The following MSI2 variants were observed in gnomAD, a reference collection of about 807,000 sequenced individuals.
MSI2 encodes the protein RNA-binding protein Musashi homolog 2.
A neutral mutation model predicts 45.6 loss-of-function variants in MSI2; 17 were observed. The observed-to-expected ratio is 0.37, with a 90% CI of 0.26 to 0.56. The LOEUF is 0.56. Among genes scored for constraint, MSI2 ranks in the 20% least tolerant of loss-of-function variants. The pLI is 0.77. For missense variants in MSI2, 293 were observed against 444.2 expected (o/e 0.66, Z 3.06); for synonymous variants, 156 against 158.2 (o/e 0.99, Z 0.11).
At chr17:57,471,219 C>T (rs912129423) in intron 6 of MSI2, among the ~76,000 whole-genome samples, 4 of 151,324 alleles carry the variant, frequency 2.6e-5, no homozygotes, top group Admixed American at 2.0e-4. Flanking sequence ...CAAGGTTTCT[C>T]GAATCAAGCT....
At chr17:57,417,255 A>G (rs1313090079) in intron 6 of MSI2, among the ~76,000 whole-genome samples, 1 of 152,140 alleles carries the variant, frequency 6.6e-6, no homozygotes. Context: ...CAGTGTTGCC[A>G]TGGTAGGTGG....
At position 57,484,840 on chromosome 17, in the gene MSI2, C is replaced by T. The variant is rs538812243; in HGVS notation, c.406-44836C>T. ...TGCCACCATTTCCACCCCATCAGAACTCTTACCTGTGCTCGAAGACCCAAT... is the reference window on the plus strand; with the variant it reads ...TGCCACCATTTCCACCCCATCAGAATTCTTACCTGTGCTCGAAGACCCAAT... On this transcript the variant is annotated intron_variant, in intron 6 of 13. Transcript: ENST00000284073. 6.4e-4 allele frequency among the ~76,000 whole-genome samples: 98 copies of T among 152,276 alleles called. 1 individual carries two copies. Among genetic ancestry groups the T allele is most frequent in the African/African-American group, 2.3e-3 (96 of 41,542 alleles).
At chr17:57,520,740 G>A (rs1425329083) in intron 6 of MSI2, among the ~76,000 whole-genome samples, 1 of 152,054 alleles carries the variant, frequency 6.6e-6, no homozygotes, top group Non-Finnish European at 1.5e-5. Context: ...TGCAGCCTCC[G>A]CCTCCTGGGT....
At chr17:57,631,949 C>A in intron 10 of MSI2, 2 of 1,487,350 alleles carry the variant, frequency 1.3e-6, no homozygotes, top group South Asian at 2.7e-5. Context: ...GTCTTAGCTG[C>A]CTGTTTGAAT....
intron 5 of MSI2, among the ~76,000 whole-genome samples, chr17:57,326,852 A>G (rs146173164): frequency 7.2e-5 from 11 of 152,304 alleles, no homozygotes; most frequent in African/African-American, 2.6e-4. Context: ...TAAACCACGG[A>G]CTAGTAGCAA....
At chr17:57,604,385 T>C (rs1216524122) in intron 8 of MSI2, among the ~76,000 whole-genome samples, 1 of 152,106 alleles carries the variant, frequency 6.6e-6, no homozygotes, top group Non-Finnish European at 1.5e-5. Context: ...CCTCAGCAGA[T>C]TATAAGTCAG....
chr17:57,536,393 A>G (rs188065772), intron 7 of MSI2, among the ~76,000 whole-genome samples: 2 of 152,338 alleles, frequency 1.3e-5, no homozygotes, highest in East Asian at 3.9e-4. Flanking sequence ...AGAAAGTATG[A>G]TAAGGATGTG....
chr17:57,631,579 T>G, intron 10 of MSI2: 2 of 550,818 alleles, frequency 3.6e-6, no homozygotes, highest in Non-Finnish European at 6.4e-6. Flanking sequence ...GTAGTTCTTT[T>G]CTAGAAAGGC....
chr17:57,376,922 CTT>C (rs1209135893), intron 5 of MSI2, among the ~76,000 whole-genome samples: 16 of 123,940 alleles, frequency 1.3e-4, no homozygotes, highest in Non-Finnish European at 1.6e-4. Context: ...CTGCAAGTGC[CTT>C]TTTTTTTTTT....
chr17:57,260,635 C>G (rs1048321730), intron 4 of MSI2, among the ~76,000 whole-genome samples: 1 of 152,150 alleles, frequency 6.6e-6, no homozygotes, highest in Non-Finnish European at 1.5e-5. Context: ...CCTGTAGATG[C>G]AGTAATGTTA....
At chr17:57,284,778 G>T (rs556484713) in intron 5 of MSI2, among the ~76,000 whole-genome samples, 4 of 152,156 alleles carry the variant, frequency 2.6e-5, no homozygotes, top group Non-Finnish European at 5.9e-5. Context: ...GCCCCCATTG[G>T]GGGAGGGCTT....
intron 5 of MSI2, among the ~76,000 whole-genome samples, chr17:57,353,967 CAA>C (rs1014342685): frequency 3.3e-5 from 5 of 152,134 alleles, no homozygotes; most frequent in East Asian, 1.9e-4. Context: ...TTTAACATAA[CAA>C]GAGAGAAAAC....
At chr17:57,410,962 C>A (rs930344048) in intron 6 of MSI2, among the ~76,000 whole-genome samples, 10 of 152,112 alleles carry the variant, frequency 6.6e-5, no homozygotes, top group African/African-American at 2.4e-4. Context: ...CTTGCAGATT[C>A]TCTGATAGGG....
At chr17:57,639,528 C>T (rs560906196) in intron 10 of MSI2, among the ~76,000 whole-genome samples, 4 of 152,362 alleles carry the variant, frequency 2.6e-5, no homozygotes, top group Non-Finnish European at 4.4e-5. Context: ...GGCTGTTCCC[C>T]GACTGGGGCC....
intron 5 of MSI2, among the ~76,000 whole-genome samples, chr17:57,300,986 A>T (rs1911372868): frequency 6.6e-6 from 1 of 152,210 alleles, no homozygotes; most frequent in African/African-American, 2.4e-5. Context: ...GACAGAGTGT[A>T]TCTCTCACTT....
At chr17:57,333,409 C>T (rs1298115258) in intron 5 of MSI2, among the ~76,000 whole-genome samples, 1 of 151,734 alleles carries the variant, frequency 6.6e-6, no homozygotes, top group Admixed American at 6.6e-5. Context: ...CTTAATCTAC[C>T]AAGCCAACTT....
At chr17:57,285,579 T>C (rs1909799491) in intron 5 of MSI2, among the ~76,000 whole-genome samples, 2 of 152,190 alleles carry the variant, frequency 1.3e-5, no homozygotes, top group South Asian at 4.1e-4. Flanking sequence ...AGCTGCATGT[T>C]ATTAGCAGCC....
intron 5 of MSI2, among the ~76,000 whole-genome samples, chr17:57,308,062 C>G (rs1410402265): frequency 6.6e-6 from 1 of 152,186 alleles, no homozygotes; most frequent in Non-Finnish European, 1.5e-5. Context: ...ATTTTTGACC[C>G]TTTGTGGTCA....
intron 5 of MSI2, among the ~76,000 whole-genome samples, chr17:57,303,675 T>A (rs1162092648): frequency 6.6e-6 from 1 of 152,248 alleles, no homozygotes; most frequent in Non-Finnish European, 1.5e-5. Flanking sequence ...TCACTCGGAA[T>A]ACCTGTCAAC....
Sources: gnomAD v4.1 joint callset for allele counts (sites outside exome capture counted in the v4.1 genomes callset) on GRCh38, gnomAD v4.1.1 for gene constraint, MANE v1.5 for transcripts, NCBI Gene and HGNC (gene_info 2026-07-23, HGNC 2026-07-21) for gene names.